SMYD3: variants seen among roughly 807,000 people sequenced by gnomAD.
SMYD3 encodes the protein SET and MYND domain containing 3, also known as histone-lysine N-methyltransferase SMYD3.
SMYD3 carries 36 observed loss-of-function variants against 57.7 expected under a neutral mutation model. That is an observed-to-expected ratio of 0.62 (90% CI 0.48 to 0.82). SMYD3 has a LOEUF of 0.82. Ranked by LOEUF, SMYD3 falls within the 40% of genes least tolerant of loss-of-function variation. The pLI is 0.00. For synonymous variants in SMYD3, 211 were observed against 195.0 expected, an observed-to-expected ratio of 1.08 and a Z score of -0.68; for missense variants, 515 against 538.8, an observed-to-expected ratio of 0.96 and a Z score of 0.44.
intron 5 of SMYD3, among the ~76,000 whole-genome samples, chr1:246,191,629 A>C (rs1446528083): frequency 6.6e-6 from 1 of 152,220 alleles, no homozygotes; most frequent in Non-Finnish European, 1.5e-5. Flanking sequence ...TCTTTTGGGA[A>C]CTGAACTCTT....
rs574687450 is a variant in SMYD3 at position 246,044,011 on chromosome 1, G to A, written c.532-114074C>T. Among the ~76,000 whole-genome samples, 25 of 152,326 alleles carry A rather than the reference G, an allele frequency of 1.6e-4. No homozygotes were observed. The South Asian group carries it at 4.8e-3, about 29-fold the overall frequency. On this transcript the variant is annotated intron_variant, in intron 5 of 11. Transcript: ENST00000490107. ...GCAGTGTCCGCACGTGGTTCCTGGT[G>A]TGGTTTATTTTTCTCTCACACCTCA...
intron 10 of SMYD3, among the ~76,000 whole-genome samples, chr1:245,848,920 T>C (rs536262638): frequency 4.7e-4 from 72 of 152,256 alleles, no homozygotes; most frequent in African/African-American, 1.7e-3. Flanking sequence ...GAATGAAATA[T>C]CTCCAAGGAG....
At chr1:246,204,489 G>T (rs1402953653) in intron 5 of SMYD3, among the ~76,000 whole-genome samples, 1 of 152,100 alleles carries the variant, frequency 6.6e-6, no homozygotes, top group African/African-American at 2.4e-5. Flanking sequence ...TAAATAAATT[G>T]GCTTAACTCT....
At position 246,462,538 on chromosome 1, in the gene SMYD3, T is replaced by C. The variant is rs564566916; in HGVS notation, c.164+44516A>G. Among the ~76,000 whole-genome samples the C allele has an allele frequency of 9.2e-5, 14 of 152,164 alleles. No homozygotes were observed. The South Asian group carries it at 2.7e-3, about 29-fold the overall frequency. On this transcript the variant is annotated intron_variant, in intron 1 of 11. Transcript: ENST00000490107. The stretch of plus-strand genomic sequence containing the variant: ...AGACCCCACCACCCACAAAACTGCA[T>C]GTCAGATCACCCCATCTCTGGGCGC...
chr1:246,255,182 G>A (rs1007596564), intron 5 of SMYD3, among the ~76,000 whole-genome samples: 1 of 152,070 alleles, frequency 6.6e-6, no homozygotes. Flanking sequence ...GGAGTGGTAA[G>A]AGTGGGCTTC....
intron 10 of SMYD3, among the ~76,000 whole-genome samples, chr1:245,824,856 CAAA>C (rs34891255): frequency 8.4e-6 from 1 of 119,170 alleles, no homozygotes; most frequent in Admixed American, 9.4e-5. Flanking sequence ...AACTCCGTCT[CAAA>C]AAAAAAAAAA....
chr1:246,286,323 T>C (rs1005531790), intron 5 of SMYD3, among the ~76,000 whole-genome samples: 11 of 151,816 alleles, frequency 7.2e-5, no homozygotes, highest in African/African-American at 1.2e-4. Flanking sequence ...ATTTGTTACA[T>C]AGGTAAACAC....
intron 5 of SMYD3, among the ~76,000 whole-genome samples, chr1:246,140,634 TA>T (rs1164810457): frequency 3.3e-5 from 5 of 150,630 alleles, no homozygotes; most frequent in African/African-American, 1.3e-4. Context: ...TTTTTAGAGA[TA>T]GGGGTCTCAA....
At chr1:246,296,454 A>G (rs1214657971) in intron 5 of SMYD3, among the ~76,000 whole-genome samples, 1 of 152,214 alleles carries the variant, frequency 6.6e-6, no homozygotes, top group Admixed American at 6.5e-5. Flanking sequence ...ACCTACATTC[A>G]TGACAGAAGA....
At chr1:246,118,283 G>A (rs1021439570) in intron 5 of SMYD3, among the ~76,000 whole-genome samples, 4 of 152,100 alleles carry the variant, frequency 2.6e-5, no homozygotes, top group Non-Finnish European at 4.4e-5. Flanking sequence ...GTTATTCAAA[G>A]AGTGGGAAAT....
intron 2 of SMYD3, among the ~76,000 whole-genome samples, chr1:246,348,073 T>TACACACACATAC (rs140418099): frequency 8.7e-6 from 1 of 115,588 alleles, no homozygotes; most frequent in Non-Finnish European, 1.8e-5. Flanking sequence ...TATATATATA[T>TACACACACATAC]ATATACACAC....
chr1:246,269,543 C>CTTTTTTTTTTTTTTTTTTTTTTTTTTTTT (rs570972296), intron 5 of SMYD3, among the ~76,000 whole-genome samples: 3 of 135,222 alleles, frequency 2.2e-5, no homozygotes, highest in Non-Finnish European at 3.2e-5. Flanking sequence ...CTTTTTTTTT[C>CTTTTTTTTTTTTTTTTTTTTTTTTTTTTT]TTTTTTTTTT....
intron 8 of SMYD3, among the ~76,000 whole-genome samples, chr1:245,868,724 TA>T (rs1261912740): frequency 6.6e-6 from 1 of 152,200 alleles, no homozygotes; most frequent in Non-Finnish European, 1.5e-5. Flanking sequence ...CACTAATAGC[TA>T]TCACCTCCCT....
intron 1 of SMYD3, among the ~76,000 whole-genome samples, chr1:246,412,716 G>A (rs1011590720): frequency 6.6e-6 from 1 of 151,962 alleles, no homozygotes; most frequent in African/African-American, 2.4e-5. Flanking sequence ...AAATTAGCTG[G>A]GTGTGGTGGC....
intron 1 of SMYD3, among the ~76,000 whole-genome samples, chr1:246,493,281 A>T (rs1360098345): frequency 6.6e-6 from 1 of 152,140 alleles, no homozygotes; most frequent in Non-Finnish European, 1.5e-5. Context: ...CCTGGACAAC[A>T]TAGTGAGACC....
At chr1:245,953,772 G>A (rs2057741620) in intron 5 of SMYD3, among the ~76,000 whole-genome samples, 1 of 152,086 alleles carries the variant, frequency 6.6e-6, no homozygotes, top group South Asian at 2.1e-4. Context: ...AACCCCACAT[G>A]TACTTTCAAA....
chr1:245,759,338 G>A (rs1349886024), intron 11 of SMYD3, among the ~76,000 whole-genome samples: 1 of 151,990 alleles, frequency 6.6e-6, no homozygotes, highest in Non-Finnish European at 1.5e-5. Context: ...ACACGGTAAC[G>A]TATGATGTTA....
intron 5 of SMYD3, among the ~76,000 whole-genome samples, chr1:246,138,599 G>C (rs1240346157): frequency 2.2e-5 from 3 of 134,954 alleles, no homozygotes; most frequent in African/African-American, 2.5e-5. Flanking sequence ...CTAATTTTTT[G>C]TATTTTTAGT....
chr1:245,781,788 G>A (rs1434357726), intron 10 of SMYD3, among the ~76,000 whole-genome samples: 2 of 151,958 alleles, frequency 1.3e-5, no homozygotes, highest in Non-Finnish European at 2.9e-5. Context: ...TGGCTAATAC[G>A]GTGAAACCCC....
Sources: allele counts gnomAD v4.1 joint callset (sites outside exome capture counted in the v4.1 genomes callset), GRCh38; gene constraint gnomAD v4.1.1; transcripts MANE v1.5; gene names NCBI Gene and HGNC (gene_info 2026-07-23, HGNC 2026-07-21).